Variants in TNNI3K observed in about 807,000 individuals in gnomAD.
The protein encoded by TNNI3K is TNNI3 interacting kinase.
TNNI3K carries 140 observed loss-of-function variants against 114.5 expected under a neutral mutation model. That is an observed-to-expected ratio of 1.22 (90% CI 1.07 to 1.41). The LOEUF is 1.41. Among genes scored for constraint, TNNI3K ranks in the 40% most tolerant of loss-of-function variants. The pLI, the probability that TNNI3K is intolerant of heterozygous loss-of-function variation, is 0.00. For synonymous variants in TNNI3K, 347 were observed against 347.5 expected, an observed-to-expected ratio of 1.00 and a Z score of 0.02; for missense variants, 1,125 against 1,007.6, an observed-to-expected ratio of 1.12 and a Z score of -1.58.
At chr1:74,446,884 T>C (rs1261409641) in intron 20 of TNNI3K, among the ~76,000 whole-genome samples, 1 of 146,318 alleles carries the variant, frequency 6.8e-6, no homozygotes, top group Non-Finnish European at 1.5e-5. Flanking sequence ...GGCTCTGTTC[T>C]GTTCCATTGA....
intron 22 of TNNI3K, 129 bp downstream of exon 22, chr1:74,489,377 C>A: frequency 1.1e-6 from 1 of 889,348 alleles, no homozygotes. Flanking sequence ...CATATTTGCC[C>A]TATTCATTAA....
intron 11 of TNNI3K, among the ~76,000 whole-genome samples, chr1:74,357,077 T>C (rs1176769186): frequency 6.6e-6 from 1 of 152,194 alleles, no homozygotes; most frequent in East Asian, 1.9e-4. Flanking sequence ...TTGTCAGCAG[T>C]GCACCTGTCC....
At chr1:74,473,312 A>G (rs1668029321) in intron 21 of TNNI3K, among the ~76,000 whole-genome samples, 1 of 152,146 alleles carries the variant, frequency 6.6e-6, no homozygotes, top group African/African-American at 2.4e-5. Context: ...TGTTGAAACC[A>G]AGAATTGAAC....
intron 17 of TNNI3K, among the ~76,000 whole-genome samples, chr1:74,405,398 G>C (rs1378876494): frequency 6.6e-6 from 1 of 152,120 alleles, no homozygotes; most frequent in Non-Finnish European, 1.5e-5. Context: ...ATTTTAAGCA[G>C]GTAAATAATA....
intron 17 of TNNI3K, among the ~76,000 whole-genome samples, chr1:74,413,659 G>A (rs1042535407): frequency 1.3e-5 from 2 of 152,116 alleles, no homozygotes; most frequent in African/African-American, 2.4e-5. Context: ...TATAAAGAAC[G>A]TTGCATACTT....
chr1:74,327,351 T>C (rs1163157628), intron 5 of TNNI3K, among the ~76,000 whole-genome samples: 1 of 149,352 alleles, frequency 6.7e-6, no homozygotes. Context: ...CCAGCCCATA[T>C]TTAAATCTTA....
chr1:74,302,338 C>A (rs554217), intron 5 of TNNI3K, among the ~76,000 whole-genome samples: 150,939 of 152,304 alleles, frequency 0.99, 74,812 homozygotes, highest in Middle Eastern at 1. Flanking sequence ...AATAATATTG[C>A]AATCATGTTA....
chr1:74,262,925 A>G (rs1323797773), intron 4 of TNNI3K, among the ~76,000 whole-genome samples: 1 of 152,082 alleles, frequency 6.6e-6, no homozygotes, highest in Non-Finnish European at 1.5e-5. Context: ...AGTACTTACT[A>G]TGCTGTGTAT....
At chr1:74,398,868 G>T (rs1044845690) in intron 17 of TNNI3K, among the ~76,000 whole-genome samples, 1 of 151,928 alleles carries the variant, frequency 6.6e-6, no homozygotes, top group African/African-American at 2.4e-5. Context: ...ACTAATCTTA[G>T]AAACTAAAGG....
At chr1:74,294,701 GCTT>G (rs1657877055) in intron 5 of TNNI3K, among the ~76,000 whole-genome samples, 1 of 151,886 alleles carries the variant, frequency 6.6e-6, no homozygotes, top group African/African-American at 2.4e-5. Context: ...GATCATAAGT[GCTT>G]CATTATATTT....
intron 20 of TNNI3K, among the ~76,000 whole-genome samples, chr1:74,449,542 A>G (rs2100693801): frequency 6.6e-6 from 1 of 152,194 alleles, no homozygotes; most frequent in African/African-American, 2.4e-5. Flanking sequence ...TAGGCTCAAA[A>G]TAAAAGGATG....
At chr1:74,418,296 T>C (rs1570596584) in intron 17 of TNNI3K, 1 of 366,888 alleles carries the variant, frequency 2.7e-6, no homozygotes, top group Non-Finnish European at 5.4e-6. Flanking sequence ...AGTCACCACA[T>C]CAGCCATAGA....
intron 2 of TNNI3K, among the ~76,000 whole-genome samples, chr1:74,242,690 A>G (rs544176190): frequency 6.6e-6 from 1 of 152,208 alleles, no homozygotes; most frequent in Non-Finnish European, 1.5e-5. Flanking sequence ...AACAAAAAAA[A>G]CCCTCAAATC....
intron 21 of TNNI3K, among the ~76,000 whole-genome samples, chr1:74,463,921 G>C (rs1384255311): frequency 2.0e-5 from 3 of 152,196 alleles, no homozygotes; most frequent in African/African-American, 7.2e-5. Flanking sequence ...CATGAGGCAG[G>C]CCTCAGAATA....
chr1:74,465,011 T>C (rs1206826396), intron 21 of TNNI3K: 11 of 1,140,534 alleles, frequency 9.6e-6, no homozygotes, highest in African/African-American at 1.6e-5. Context: ...TAAAATAGTT[T>C]AGGAAAACAT....
chr1:74,335,472 G>C (rs950916570), intron 6 of TNNI3K, among the ~76,000 whole-genome samples: 2 of 151,684 alleles, frequency 1.3e-5, no homozygotes, highest in African/African-American at 4.9e-5. Flanking sequence ...TTATTTCACT[G>C]TTCAACCTCT....
intron 17 of TNNI3K, among the ~76,000 whole-genome samples, chr1:74,381,301 T>A (rs553161029): frequency 3.3e-5 from 5 of 152,300 alleles, no homozygotes; most frequent in South Asian, 4.1e-4. Context: ...GTCAATTTAT[T>A]TAACATATCA....
At chr1:74,322,046 C>T (rs1314346254) in intron 5 of TNNI3K, among the ~76,000 whole-genome samples, 11 of 152,120 alleles carry the variant, frequency 7.2e-5, no homozygotes, top group Non-Finnish European at 1.6e-4. Flanking sequence ...CGTGGTAACT[C>T]TAAAGCAAAT....
chr1:74,542,860 A>G (rs1646741952), intron 24 of TNNI3K, among the ~76,000 whole-genome samples: 1 of 152,110 alleles, frequency 6.6e-6, no homozygotes, highest in South Asian at 2.1e-4. Context: ...GTTCTCTTGG[A>G]CAGTGGCCTG....
Sources: allele counts gnomAD v4.1 joint callset (sites outside exome capture counted in the v4.1 genomes callset), GRCh38; gene constraint gnomAD v4.1.1; transcripts MANE v1.5; gene names NCBI Gene and HGNC (gene_info 2026-07-23, HGNC 2026-07-21).